The following CTBP2 variants were observed in gnomAD, a reference collection of about 807,000 sequenced individuals.
The protein encoded by CTBP2 is C-terminal binding protein 2.
CTBP2 carries 30 observed loss-of-function variants against 80.3 expected under a neutral mutation model. The ratio of observed to expected loss-of-function variants is 0.37; its 90% CI spans 0.28 to 0.51. CTBP2 has a LOEUF of 0.51. Ranked by LOEUF, CTBP2 falls within the 20% of genes least tolerant of loss-of-function variation. The pLI is 0.93. For synonymous variants in CTBP2, 594 were observed against 587.4 expected (o/e 1.01, Z -0.16); for missense variants, 1,212 against 1,375.3 (o/e 0.88, Z 1.88).
In CTBP2 at chr10:124,986,281, G is replaced by GCACACACACACACACACACACA. The variant is rs773324540; in HGVS notation, c.*3236_*3237insTGTGTGTGTGTGTGTGTGTGTG. 1 of 102,902 alleles carries GCACACACACACACACACACACA rather than the reference G, an allele frequency of 9.7e-6. No individual in the cohort carries two copies. The highest frequency in any genetic ancestry group is 3.9e-5 in the African/African-American group (1 of 25,792). The allele number at this position is 102,902 out of a possible 1,614,324, so 6.4% of individuals were successfully genotyped here. A position where few individuals can be genotyped will look rare whatever the true frequency, so the allele number is the denominator to read the frequency against. ...GAATTTGGAAAGACGACACACGCAC[G>GCACACACACACACACACACACA]CGCGCGCGCGCACACACACACACAC... On this transcript the variant is annotated 3_prime_UTR_variant, in exon 9 of 9. Transcript: ENST00000309035.
At chr10:125,151,516 G>C (rs1040609831) in intron 1 of CTBP2, among the ~76,000 whole-genome samples, 14 of 152,214 alleles carry the variant, frequency 9.2e-5, no homozygotes, top group Non-Finnish European at 1.9e-4. Context: ...CTGCCCAGGA[G>C]ACGAGATCCC....
intron 3 of CTBP2, chr10:125,000,940 C>CA (rs1307009197): frequency 1.3e-5 from 2 of 152,270 alleles, no homozygotes. Context: ...AAGGGCCCCG[C>CA]AGATGTCTTC....
At position 124,994,693 on chromosome 10, in the gene CTBP2, AAC is replaced by A; in HGVS notation, c.2186-12_2186-11del. 2 of 1,613,980 alleles carry A rather than the reference AAC, an allele frequency of 1.2e-6. No homozygotes were observed. The highest frequency in any genetic ancestry group is 1.7e-6 in the Non-Finnish European group (2 of 1,179,862). ...GCCTGCCCCGTGCGACCTGTACAGA[AAC>A]AGAGCGTCCAGGTGAGTGAGTCCAC... is the stretch of plus-strand genomic sequence containing the variant. On this transcript the variant is annotated splice_polypyrimidine_tract_variant and intron_variant, in intron 4 of 8. Coordinates refer to ENST00000309035, the MANE Select transcript of CTBP2 (RefSeq NM_022802.3).
chr10:125,037,717 T>C (rs1959034475), intron 3 of CTBP2, among the ~76,000 whole-genome samples: 1 of 152,216 alleles, frequency 6.6e-6, no homozygotes, highest in Non-Finnish European at 1.5e-5. Context: ...TAGACAATAC[T>C]GTCCCTGAGG....
At position 124,985,160 on chromosome 10, in the gene CTBP2, G is replaced by T; in HGVS notation, c.*4358C>A. ...CACACCTTATGGAGATAATGCCTCT[G>T]CTGCGTGAGGAGACAGAGAACTTTA... On this transcript the variant is annotated 3_prime_UTR_variant, in exon 9 of 9. Transcript: ENST00000309035. 3.7e-6 allele frequency: 2 copies of T among 547,298 alleles called. No individual in the cohort carries two copies. The highest frequency in any genetic ancestry group is 4.3e-4 in the Middle Eastern group (1 of 2,344). The allele number at this position is 547,298 out of a possible 1,614,324, so 33.9% of individuals were successfully genotyped here. A position where few individuals can be genotyped will look rare whatever the true frequency, so the allele number is the denominator to read the frequency against.
intron 2 of CTBP2, among the ~76,000 whole-genome samples, chr10:125,046,969 G>A (rs906704576): frequency 2.0e-5 from 3 of 152,214 alleles, no homozygotes; most frequent in Admixed American, 1.3e-4. Context: ...TGAGCAGAAA[G>A]AATTTGTGAT....
intron 2 of CTBP2, among the ~76,000 whole-genome samples, chr10:125,110,694 G>A (rs1437138745): frequency 1.3e-5 from 2 of 152,062 alleles, no homozygotes; most frequent in African/African-American, 2.4e-5. Flanking sequence ...ATTCTGACTT[G>A]AGTTTCCTTG....
chr10:125,039,974 C>A (rs978507919), intron 2 of CTBP2, among the ~76,000 whole-genome samples: 1 of 152,102 alleles, frequency 6.6e-6, no homozygotes. Flanking sequence ...TAGAGGGAGA[C>A]CTGACTGCGG....
chr10:125,062,328 G>A (rs1432288978), intron 2 of CTBP2, among the ~76,000 whole-genome samples: 1 of 152,206 alleles, frequency 6.6e-6, no homozygotes, highest in Non-Finnish European at 1.5e-5. Context: ...TGTAATAGAA[G>A]CTAGGGTTTA....
intron 1 of CTBP2, among the ~76,000 whole-genome samples, chr10:125,144,977 T>C (rs1280280980): frequency 6.6e-6 from 1 of 152,200 alleles, no homozygotes; most frequent in Non-Finnish European, 1.5e-5. Context: ...ACCCAGGAAA[T>C]TTCCTCTGCC....
rs912817243 is a variant in CTBP2, at chr10:124,987,588, A to T, written c.*1930T>A. ...TGAGTGGTTACGAAGACGTTAAACTACCTTTTTGTTCCCTGGGGTAATAGG... is the reference window on the plus strand; with the variant it reads ...TGAGTGGTTACGAAGACGTTAAACTTCCTTTTTGTTCCCTGGGGTAATAGG... On this transcript the variant is annotated 3_prime_UTR_variant, in exon 9 of 9. Transcript: ENST00000309035. The T allele has an allele frequency of 4.6e-5, 7 of 152,048 alleles. No homozygotes were observed. Among genetic ancestry groups the T allele is most frequent in the African/African-American group, 1.7e-4 (7 of 41,396 alleles). 9.4% of individuals were successfully genotyped at this position (152,048 alleles called of 1,614,324 possible). A position where few individuals can be genotyped will look rare whatever the true frequency, so the allele number is the denominator to read the frequency against.
intron 2 of CTBP2, among the ~76,000 whole-genome samples, chr10:125,093,761 CA>C (rs1849132027): frequency 6.6e-6 from 1 of 152,152 alleles, no homozygotes; most frequent in Admixed American, 6.5e-5. Context: ...CCAGGACGCT[CA>C]GGGGGCAGCA....
At chr10:124,997,930 G>A in intron 4 of CTBP2, 34 bp downstream of exon 6, 2 of 1,588,952 alleles carry the variant, frequency 1.3e-6, no homozygotes, top group Non-Finnish European at 1.7e-6. Context: ...CAGTGTCGGA[G>A]GGGTTGGGGG....
At chr10:125,083,585 CCT>C (rs1168459143) in intron 2 of CTBP2, among the ~76,000 whole-genome samples, 5 of 152,184 alleles carry the variant, frequency 3.3e-5, no homozygotes, top group Non-Finnish European at 5.9e-5. Flanking sequence ...AACGCAAAGC[CCT>C]CTGTTTGCAC....
intron 2 of CTBP2, among the ~76,000 whole-genome samples, chr10:125,071,429 A>T (rs1845469260): frequency 6.6e-6 from 1 of 152,262 alleles, no homozygotes; most frequent in Non-Finnish European, 1.5e-5. Flanking sequence ...GGTCATTGGT[A>T]CAGTGAGCCT....
chr10:125,025,995 T>C (rs1957493386), intron 1 of CTBP2: 12 of 1,490,698 alleles, frequency 8.0e-6, no homozygotes, highest in Non-Finnish European at 1.1e-5. Context: ...AGTGAGGACT[T>C]GCCATCCTAT....
intron 2 of CTBP2, among the ~76,000 whole-genome samples, chr10:125,078,047 A>C (rs934455173): frequency 1.3e-5 from 2 of 151,976 alleles, no homozygotes; most frequent in Non-Finnish European, 2.9e-5. Flanking sequence ...TTGGGAGGCC[A>C]AGACGGGCAG....
Position 125,025,764 on chromosome 10 carries a change from T to A in CTBP2, c.1678+318A>T, listed in dbSNP as rs1215577547. On this transcript the variant is annotated intron_variant, in intron 1 of 8. Coordinates refer to ENST00000309035, the MANE Select transcript of CTBP2 (RefSeq NM_022802.3). Reference sequence around the variant, plus strand: ...TCGTGAGCTCAAGGCTGCAGTCTGTTCTGAGTGACTTGCGACTTTCTCCAA... The same window carrying A: ...TCGTGAGCTCAAGGCTGCAGTCTGTACTGAGTGACTTGCGACTTTCTCCAA... 3.3e-5 allele frequency among the ~76,000 whole-genome samples: 5 copies of A among 152,320 alleles called. 1 individual carries two copies. In the South Asian group the frequency reaches 8.3e-4, roughly 25 times the overall value.
At chr10:125,131,154 T>C (rs4962425) in intron 1 of CTBP2, among the ~76,000 whole-genome samples, 124,190 of 152,082 alleles carry the variant, frequency 0.82, 50,764 homozygotes, top group Middle Eastern at 0.91. Context: ...GCCCGCAGAG[T>C]GCAGGCTGTC....
Sources: gnomAD v4.1 joint callset for allele counts (sites outside exome capture counted in the v4.1 genomes callset) on GRCh38, gnomAD v4.1.1 for gene constraint, MANE v1.5 for transcripts, NCBI Gene and HGNC (gene_info 2026-07-23, HGNC 2026-07-21) for gene names.